Variants in ST13 observed in about 807,000 individuals in gnomAD.
ST13 encodes the protein hsc70-interacting protein.
ST13 carries 23 observed loss-of-function variants against 56.7 expected under a neutral mutation model. That is an observed-to-expected ratio of 0.41 (90% confidence interval 0.29 to 0.57). The LOEUF is 0.57. ST13 is among the 20% of genes least tolerant of loss of function. The pLI is 0.36. For synonymous variants in ST13, 132 were observed against 142.4 expected, an observed-to-expected ratio of 0.93 and a Z score of 0.52; for missense variants, 369 against 459.9, an observed-to-expected ratio of 0.80 and a Z score of 1.81.
intron 10 of ST13, among the ~76,000 whole-genome samples, chr22:40,827,485 T>C (rs772381835): frequency 2.0e-5 from 3 of 152,164 alleles, no homozygotes; most frequent in Non-Finnish European, 4.4e-5. Context: ...TTTTTTATTT[T>C]TGTTTGTTTT....
At position 40,824,549 on chromosome 22, in the gene ST13, A is replaced by G. The variant is rs1457525115; in HGVS notation, c.*1989T>C. 6.6e-6 allele frequency: 1 copy of G among 152,250 alleles called. No homozygotes were observed. Among genetic ancestry groups the G allele is most frequent in the Non-Finnish European group, 1.5e-5 (1 of 68,038 alleles). The allele number at this position is 152,250 out of a possible 1,614,324, so 9.4% of individuals were successfully genotyped here. A position where few individuals can be genotyped will look rare whatever the true frequency, so the allele number is the denominator to read the frequency against. Reference sequence around the variant, plus strand: ...GGTTTAGAATATTGAGTTGAAAATTAAGAATGTATATTATGGAATTTAAAA... The same window carrying G: ...GGTTTAGAATATTGAGTTGAAAATTGAGAATGTATATTATGGAATTTAAAA... On this transcript the variant is annotated 3_prime_UTR_variant, in exon 12 of 12. Coordinates refer to ENST00000216218, the MANE Select transcript of ST13 (RefSeq NM_003932.5).
At chr22:40,830,981 T>C (rs1166921123) in intron 8 of ST13, 25 bp from the exon 9 acceptor site, 1 of 1,498,026 alleles carries the variant, frequency 6.7e-7, no homozygotes, top group Non-Finnish European at 9.2e-7. Context: ...CATAGCAAAA[T>C]AAGCTTGCTC....
At chr22:40,827,382 A>G (rs1402047080) in intron 10 of ST13, among the ~76,000 whole-genome samples, 153 bp from the exon 11 acceptor site, 1 of 152,260 alleles carries the variant, frequency 6.6e-6, no homozygotes, top group Non-Finnish European at 1.5e-5. Flanking sequence ...GCAACAAGAC[A>G]TAAGTTATAG....
chr22:40,828,375 C>T (rs554695133), intron 10 of ST13, among the ~76,000 whole-genome samples: 48 of 151,534 alleles, frequency 3.2e-4, no homozygotes, highest in African/African-American at 1.1e-3. Context: ...GAGGCCGAGG[C>T]GGGCAGATCA....
Position 40,842,681 on chromosome 22 carries a change from A to G in ST13, c.316-1989T>C, listed in dbSNP as rs1045099001. ...AACAGCTGAAAATATTCTAGAGCTA[A>G]AGAAAGTTAACCCTAGAATTTGATG... On this transcript the variant is annotated intron_variant, in intron 4 of 11. Transcript: ENST00000216218. Among the ~76,000 whole-genome samples the G allele has an allele frequency of 1.2e-4, 19 of 152,250 alleles. 1 individual carries two copies. The highest frequency in any genetic ancestry group is 7.8e-4 in the Admixed American group (12 of 15,290).
rs767265321 is a variant in ST13, at chr22:40,826,670, A to T, written c.982-4T>A. 5.6e-6 allele frequency: 9 copies of T among 1,609,560 alleles called. No homozygotes were observed. Among genetic ancestry groups the T allele is most frequent in the Non-Finnish European group, 7.6e-6 (9 of 1,179,772 alleles). ...AAGCCACCATAACTTCTGGATCCTG[A>T]AAAGAAAGGGTTCATTAGTATTTAA... On this transcript the variant is annotated splice_region_variant and splice_polypyrimidine_tract_variant and intron_variant, in intron 11 of 11. Coordinates refer to ENST00000216218, the MANE Select transcript of ST13 (RefSeq NM_003932.5).
chr22:40,836,751 C>T (rs140548435), intron 5 of ST13, among the ~76,000 whole-genome samples: 1 of 152,118 alleles, frequency 6.6e-6, no homozygotes, highest in Admixed American at 6.5e-5. Context: ...TTTACTAATC[C>T]CTTATGTCAT....
chr22:40,840,335 C>CTTT lies in ST13; in HGVS notation c.382+288_382+290dup, dbSNP rs34104893. On this transcript the variant is annotated intron_variant, in intron 5 of 11. Transcript: ENST00000216218. ...GTTAAGGGTCACTGTTCTACTACTA[C>CTTT]TTTTTTTTTTTTTTTTTAAAGCCTT... is the stretch of plus-strand genomic sequence containing the variant. 1.5e-4 allele frequency among the ~76,000 whole-genome samples: 21 copies of CTTT among 140,384 alleles called. 1 individual carries two copies. Among genetic ancestry groups the CTTT allele is most frequent in the African/African-American group, 4.4e-4 (17 of 38,372 alleles). 92.1% of individuals were successfully genotyped at this position (140,384 alleles called of 152,430 possible). A position where few individuals can be genotyped will look rare whatever the true frequency, so the allele number is the denominator to read the frequency against.
At chr22:40,846,744 G>C (rs569949665) in intron 3 of ST13, among the ~76,000 whole-genome samples, 1 of 152,096 alleles carries the variant, frequency 6.6e-6, no homozygotes, top group African/African-American at 2.4e-5. Flanking sequence ...TGTAATCCCA[G>C]AACTCTGGGA....
In ST13 at chr22:40,844,839, C is replaced by G. The variant is rs763029286; in HGVS notation, c.315G>C (p.Glu105Asp). The G allele has an allele frequency of 1.9e-6, 3 of 1,612,656 alleles. No homozygotes were observed. Residue 105 changes from glutamate (E) to aspartate (D), a missense_variant and splice_region_variant, in exon 4 of 12, where the codon GAG becomes GAC. Around this residue, in one of 3 missense-constraint regions of ST13, gnomAD observed 169 missense variants for 175.6 expected, o/e 0.96. Coordinates refer to ENST00000216218, the MANE Select transcript of ST13 (RefSeq NM_003932.5). Reference sequence around the variant, plus strand: ...CAGGAAATCAAGTCACCGAACTTACCTCCGCATTTTCATCTCCCATTTCTT... The same window carrying G: ...CAGGAAATCAAGTCACCGAACTTACGTCCGCATTTTCATCTCCCATTTCTT... ...APQEMGDENAEITEEMMDQAN... is the reference protein window; with the variant it reads ...APQEMGDENADITEEMMDQAN...
intron 8 of ST13, chr22:40,831,954 G>C (rs1008253587): frequency 4.1e-6 from 1 of 243,666 alleles, no homozygotes; most frequent in African/African-American, 2.3e-5. Context: ...CCAGGTTCAA[G>C]TGATTCTCCT....
Position 40,856,625 on chromosome 22 carries a change from G to T in ST13, c.-85C>A. On this transcript the variant is annotated 5_prime_UTR_variant, in exon 1 of 12. Coordinates refer to ENST00000216218, the MANE Select transcript of ST13 (RefSeq NM_003932.5). ...GGCTCGGCGTGACCGCGCAGAAGGG[G>T]GCGGCTGCCGCAAGACAGAACAGAC... 1 of 1,073,068 alleles carries T rather than the reference G, an allele frequency of 9.3e-7. No homozygotes were observed. The highest frequency in any genetic ancestry group is 1.4e-6 in the Non-Finnish European group (1 of 702,214). The allele number at this position is 1,073,068 out of a possible 1,614,324, so 66.5% of individuals were successfully genotyped here.
At position 40,825,247 on chromosome 22, in the gene ST13, T is replaced by C. The variant is rs936786375; in HGVS notation, c.*1291A>G. On this transcript the variant is annotated 3_prime_UTR_variant, in exon 12 of 12. Coordinates refer to ENST00000216218, the MANE Select transcript of ST13 (RefSeq NM_003932.5). Reference sequence around the variant, plus strand: ...GAATACAAAGACAATGAGTCTTTCATAGTCTCAACAACTCCACAATGAATA... The same window carrying C: ...GAATACAAAGACAATGAGTCTTTCACAGTCTCAACAACTCCACAATGAATA... 7.2e-5 allele frequency: 11 copies of C among 152,182 alleles called. No homozygotes were observed. Among genetic ancestry groups the C allele is most frequent in the Admixed American group, 2.6e-4 (4 of 15,272 alleles). 9.4% of individuals were successfully genotyped at this position (152,182 alleles called of 1,614,324 possible).
At position 40,856,491 on chromosome 22, in the gene ST13, T is replaced by C. The variant is rs1451371304; in HGVS notation, c.50A>G (p.Lys17Arg). 2 of 1,613,426 alleles carry C rather than the reference T, an allele frequency of 1.2e-6. No individual in the cohort carries two copies. The highest frequency in any genetic ancestry group is 2.7e-5 in the African/African-American group (2 of 74,904). Residue 17 changes from lysine (K) to arginine (R), a missense_variant, in exon 1 of 12, where the codon AAG (lysine) becomes AGG (arginine). Around this residue, in one of 3 missense-constraint regions of ST13, gnomAD observed 169 missense variants for 175.6 expected, o/e 0.96. Coordinates refer to ENST00000216218, the MANE Select transcript of ST13 (RefSeq NM_003932.5). ...NELRAFVKMC[K>R]QDPSVLHTEE... ...GGTGTGCAGAACGCTCGGATCCTGC[T>C]TACACATTTTCACAAAGGCCCGAAG...
In ST13 at chr22:40,856,315, G is replaced by A. The variant is rs957420793; in HGVS notation, c.110+116C>T. On this transcript the variant is annotated intron_variant, in intron 1 of 11. Coordinates refer to ENST00000216218, the MANE Select transcript of ST13 (RefSeq NM_003932.5). ...CCCCTCGAAGTTGCCTCCCTTTCCC[G>A]GGCAAAGAAGGGGCAGCGACCCCGC... 65 of 886,452 alleles carry A rather than the reference G, an allele frequency of 7.3e-5. 2 individuals are homozygous for A. The highest frequency in any genetic ancestry group is 6.7e-4 in the Admixed American group (33 of 49,608). 54.9% of individuals were successfully genotyped at this position (886,452 alleles called of 1,614,324 possible). A position where few individuals can be genotyped will look rare whatever the true frequency, so the allele number is the denominator to read the frequency against.
chr22:40,837,009 C>T (rs2057780692), intron 5 of ST13, among the ~76,000 whole-genome samples: 1 of 152,168 alleles, frequency 6.6e-6, no homozygotes, highest in Non-Finnish European at 1.5e-5. Flanking sequence ...AGAGACTGGG[C>T]CTCACTGTGT....
At chr22:40,839,287 C>A (rs1008847313) in intron 5 of ST13, among the ~76,000 whole-genome samples, 2 of 152,136 alleles carry the variant, frequency 1.3e-5, no homozygotes, top group African/African-American at 4.8e-5. Flanking sequence ...TAACTTCAAT[C>A]ATCTTCTAAA....
Position 40,827,013 on chromosome 22 carries a change from G to A in ST13, c.981+83C>T, listed in dbSNP as rs1777142999. 4 of 1,435,480 alleles carry A rather than the reference G, an allele frequency of 2.8e-6. No homozygotes were observed. The African/African-American group carries it at 4.3e-5, about 15-fold the overall frequency. 88.9% of individuals were successfully genotyped at this position (1,435,480 alleles called of 1,614,324 possible). On this transcript the variant is annotated intron_variant, in intron 11 of 11. Transcript: ENST00000216218. ...ACTGTGATAAATAAAAAATAGCTAT[G>A]AGAGTAACCTTTGTCTCCACACAGA...
Position 40,830,400 on chromosome 22 carries a change from A to G in ST13, c.798+440T>C, listed in dbSNP as rs543636302. ...GTCTCGAACTCCTGGGCTCAAGTGA[A>G]CCTCCCACCACAGCCTCCCAAGAGC... On this transcript the variant is annotated intron_variant, in intron 9 of 11. Coordinates refer to ENST00000216218, the MANE Select transcript of ST13 (RefSeq NM_003932.5). Among the ~76,000 whole-genome samples, 52 of 152,206 alleles carry G rather than the reference A, an allele frequency of 3.4e-4. No individual in the cohort carries two copies. The South Asian group carries it at 0.011, about 32-fold the overall frequency.
Sources: gnomAD v4.1 joint callset for allele counts (sites outside exome capture counted in the v4.1 genomes callset) on GRCh38, gnomAD v4.1.1 for gene constraint, gnomAD v4.1.1 regional missense constraint, MANE v1.5 for transcripts, NCBI Gene and HGNC (gene_info 2026-07-23, HGNC 2026-07-21) for gene names.